The following RBL1 variants were observed in gnomAD, a reference collection of about 807,000 sequenced individuals.
RBL1 encodes the protein RB transcriptional corepressor like 1, also known as retinoblastoma-like protein 1.
Under a neutral mutation model 123.0 loss-of-function variants are expected in RBL1, and 82 were observed. The observed-to-expected ratio is 0.67, with a 90% CI of 0.56 to 0.80. The LOEUF (loss-of-function observed/expected upper bound fraction) is 0.80, where lower values mean the gene tolerates loss of function less well. RBL1 is among the 30% of genes least tolerant of loss of function. RBL1 has a pLI of 0.00. For synonymous variants in RBL1, 405 were observed against 441.3 expected (o/e 0.92, Z 1.03); for missense variants, 1,171 against 1,299.6 (o/e 0.90, Z 1.52).
At chr20:37,090,368 A>AG (rs2065629080) in intron 1 of RBL1, among the ~76,000 whole-genome samples, 1 of 152,234 alleles carries the variant, frequency 6.6e-6, no homozygotes, top group Admixed American at 6.5e-5. Context: ...CTGAATTACC[A>AG]GAAGAGTTTT....
chr20:37,039,507 C>T (rs2064685734), intron 14 of RBL1, among the ~76,000 whole-genome samples: 1 of 152,132 alleles, frequency 6.6e-6, no homozygotes. Context: ...CTCATGAGAT[C>T]TGATGGTTTT....
rs147500001 is a variant in RBL1, at chr20:37,007,429, C to T, written c.2853G>A (p.Leu951=). Residue 951 remains leucine (L), a synonymous_variant, in exon 20 of 22, where the codon TTG becomes TTA. Coordinates refer to ENST00000373664, the MANE Select transcript of RBL1 (RefSeq NM_002895.5). ...AACATACCATATGGTCCTGATTCGC[C>T]AAGTCGTATTTCAGTGCAAATGACT... ...RVKSFALKYD[L]ANQDHMMDAP... 1.2e-6 allele frequency: 2 copies of T among 1,613,476 alleles called. No homozygotes were observed. The highest frequency in any genetic ancestry group is 1.3e-5 in the African/African-American group (1 of 74,882).
chr20:37,030,797 G>T (rs1242261740), intron 16 of RBL1, among the ~76,000 whole-genome samples: 1 of 151,298 alleles, frequency 6.6e-6, no homozygotes, highest in East Asian at 2.0e-4. Flanking sequence ...AGGGGTTGCA[G>T]TGAGCCGAGA....
chr20:37,070,943 T>A (rs1229983007), intron 2 of RBL1, among the ~76,000 whole-genome samples: 2 of 152,094 alleles, frequency 1.3e-5, no homozygotes, highest in Non-Finnish European at 2.9e-5. Flanking sequence ...TCACCCAGGC[T>A]GGAGTGCAGT....
At position 37,066,774 on chromosome 20, in the gene RBL1, T is replaced by C; in HGVS notation, c.796A>G (p.Ile266Val). 1 of 1,613,830 alleles carries C rather than the reference T, an allele frequency of 6.2e-7. No homozygotes were observed. Among genetic ancestry groups the C allele is most frequent in the South Asian group, 1.1e-5 (1 of 91,082 alleles). The stretch of plus-strand genomic sequence containing the variant: ...TATGGCTTAAAGTAGTGCTCCTTTA[T>C]TCCTTTTGCTTCTACGAGAAGTCCA... Reference protein sequence around the residue: ...HDGLLVEAKGIKEHYFKPYIS... With the variant: ...HDGLLVEAKGVKEHYFKPYIS... The change falls in exon 6 of 22, where the codon ATA becomes GTA. Residue 266 changes from isoleucine to valine, a missense_variant. By Grantham distance (29) the Ile-to-Val change is conservative. Coordinates refer to ENST00000373664, the MANE Select transcript of RBL1 (RefSeq NM_002895.5).
intron 13 of RBL1, among the ~76,000 whole-genome samples, chr20:37,042,903 C>A (rs1046805057): frequency 2.2e-4 from 25 of 114,632 alleles, no homozygotes; most frequent in South Asian, 1.6e-3. Flanking sequence ...TGTCCCCCCC[C>A]CTCCAAAAAA....
At chr20:37,012,276 C>A (rs28694825) in intron 19 of RBL1, among the ~76,000 whole-genome samples, 1 of 152,096 alleles carries the variant, frequency 6.6e-6, no homozygotes, top group African/African-American at 2.4e-5. Context: ...AGCCTCTGCC[C>A]GGCCGCCACC....
intron 19 of RBL1, among the ~76,000 whole-genome samples, chr20:37,012,800 C>T (rs2064182426): frequency 6.7e-6 from 1 of 150,104 alleles, no homozygotes; most frequent in South Asian, 2.1e-4. Flanking sequence ...GGGGGTCAGC[C>T]CCCTGCCCGG....
At chr20:37,040,825 T>C (rs958001577) in intron 13 of RBL1, among the ~76,000 whole-genome samples, 3 of 152,184 alleles carry the variant, frequency 2.0e-5, no homozygotes, top group Non-Finnish European at 4.4e-5. Context: ...GAACTAAACC[T>C]CTGAGGTAGG....
intron 11 of RBL1, chr20:37,049,216 AAAAAAC>A: frequency 6.0e-5 from 25 of 416,674 alleles, no homozygotes; most frequent in Non-Finnish European, 8.3e-5. Context: ...AACAAAAAAC[AAAAAAC>A]AAAAAAAAAT....
intron 11 of RBL1, among the ~76,000 whole-genome samples, chr20:37,053,624 T>G (rs2064955955): frequency 6.6e-6 from 1 of 152,218 alleles, no homozygotes; most frequent in South Asian, 2.1e-4. Context: ...TTGTCTTTAT[T>G]TAGAAGTTTG....
chr20:37,061,272 G>A lies in RBL1; in HGVS notation c.1084-3C>T. 6.2e-7 allele frequency: 1 copy of A among 1,605,434 alleles called. No individual in the cohort carries two copies. The highest frequency in any genetic ancestry group is 8.5e-7 in the Non-Finnish European group (1 of 1,175,202). On this transcript the variant is annotated splice_polypyrimidine_tract_variant and splice_region_variant and intron_variant, in intron 8 of 21. Coordinates refer to ENST00000373664, the MANE Select transcript of RBL1 (RefSeq NM_002895.5). ...GTAGAAGGTGCAAATGACCTTTTCT[G>A]TCAGAAAAGAAAAATCCGTGAGTTT... is the stretch of plus-strand genomic sequence containing the variant.
Position 37,020,703 on chromosome 20 carries a change from C to A in RBL1, c.2587G>T (p.Glu863Ter). ...KVTKEERTFQ[E>*]IMKSYRNQPQ... ...TGATTCCTATAACTTTTCATAATTT[C>A]TTGAAAAGTTCTTTCTTCTTTTGTT... Residue 863 changes from glutamate to a stop codon, truncating the protein, a stop_gained, in exon 18 of 22, where the codon GAA becomes TAA. Transcript: ENST00000373664. LOFTEE classifies it high-confidence loss of function. 2 of 1,587,966 alleles carry A rather than the reference C, an allele frequency of 1.3e-6. No individual in the cohort carries two copies. The highest frequency in any genetic ancestry group is 1.7e-6 in the Non-Finnish European group (2 of 1,164,552).
chr20:37,061,008 C>T (rs972062913), intron 9 of RBL1, 95 bp downstream of exon 9: 103 of 1,284,076 alleles, frequency 8.0e-5, no homozygotes, highest in Non-Finnish European at 9.4e-5. Flanking sequence ...GATGAACATC[C>T]ACTATCTTGA....
chr20:37,049,618 G>A (rs1045047643), intron 11 of RBL1: 10 of 757,118 alleles, frequency 1.3e-5, no homozygotes, highest in Non-Finnish European at 2.4e-5. Context: ...TGATGAATGT[G>A]GTGCTGGAGT....
intron 7 of RBL1, among the ~76,000 whole-genome samples, chr20:37,063,221 G>T (rs1486445775): frequency 6.6e-6 from 1 of 152,164 alleles, no homozygotes; most frequent in Non-Finnish European, 1.5e-5. Context: ...GGGACTACAG[G>T]CTTGTGCCAC....
At chr20:37,010,075 T>C in intron 19 of RBL1, among the ~76,000 whole-genome samples, 1 of 151,650 alleles carries the variant, frequency 6.6e-6, no homozygotes, top group Admixed American at 6.6e-5. Flanking sequence ...AAAACATACT[T>C]GGCCGGGTAT....
intron 13 of RBL1, among the ~76,000 whole-genome samples, chr20:37,042,087 A>G (rs928020526): frequency 6.6e-6 from 1 of 151,486 alleles, no homozygotes; most frequent in African/African-American, 2.4e-5. Context: ...AAAAAAAAAA[A>G]AAAAGAAAGT....
chr20:37,073,705 GAA>G (rs796752326), intron 2 of RBL1, among the ~76,000 whole-genome samples: 1,481 of 103,142 alleles, frequency 0.014, 38 homozygotes, highest in African/African-American at 0.054. Context: ...CTCAAAAAAA[GAA>G]AAAAAAAAAA....
Sources: gnomAD v4.1 joint callset for allele counts (sites outside exome capture counted in the v4.1 genomes callset) on GRCh38, gnomAD v4.1.1 for gene constraint, MANE v1.5 for transcripts, NCBI Gene and HGNC (gene_info 2026-07-23, HGNC 2026-07-21) for gene names.